Variants in SPAG16 observed in about 807,000 individuals in gnomAD.
The protein encoded by SPAG16 is sperm associated antigen 16, also known as sperm-associated antigen 16 protein.
Under a neutral mutation model 80.4 loss-of-function variants are expected in SPAG16, and 86 were observed. That is an observed-to-expected ratio of 1.07 (90% CI 0.90 to 1.28). The LOEUF is 1.28. Among genes scored for constraint, SPAG16 ranks in the 50% most tolerant of loss-of-function variants. The pLI is 0.00. For synonymous variants in SPAG16, 294 were observed against 265.9 expected, an observed-to-expected ratio of 1.11 and a Z score of -1.03; for missense variants, 870 against 765.3, an observed-to-expected ratio of 1.14 and a Z score of -1.61.
rs1363675968 is a variant in SPAG16 at position 214,010,407 on chromosome 2, A to C, written c.1401-3544A>C. On this transcript the variant is annotated intron_variant, in intron 12 of 15. Transcript: ENST00000331683. ...GAAAGAGAAAAAAAAGTCACAGGGG[A>C]AGAAACTTTCCTGGAATAATAAAAG... 1.4e-5 allele frequency among the ~76,000 whole-genome samples: 2 copies of C among 146,976 alleles called. 1 individual carries two copies. The highest frequency in any genetic ancestry group is 3.0e-5 in the Non-Finnish European group (2 of 67,358).
intron 13 of SPAG16, among the ~76,000 whole-genome samples, chr2:214,046,142 T>C (rs533551019): frequency 2.0e-5 from 3 of 152,150 alleles, no homozygotes; most frequent in South Asian, 4.1e-4. Context: ...CCTACCAAGA[T>C]TGAACCATGA....
At chr2:214,097,051 TA>T (rs1167994514) in intron 13 of SPAG16, among the ~76,000 whole-genome samples, 2 of 152,098 alleles carry the variant, frequency 1.3e-5, no homozygotes, top group Non-Finnish European at 2.9e-5. Flanking sequence ...TCTATTGTAT[TA>T]AAATGTTTTA....
At position 214,042,433 on chromosome 2, in the gene SPAG16, A is replaced by AAACAAC. The variant is rs150244128; in HGVS notation, c.1527+28383_1527+28388dup. On this transcript the variant is annotated intron_variant, in intron 13 of 15. Transcript: ENST00000331683. ...CCATGAAGAAGTAAAAACAAAAACA[A>AAACAAC]AACAACAACAACAACAACAACAACA... is the stretch of plus-strand genomic sequence containing the variant. Among the ~76,000 whole-genome samples the AAACAAC allele has an allele frequency of 2.7e-3, 399 of 149,850 alleles. 5 individuals are homozygous for AAACAAC. Among genetic ancestry groups the AAACAAC allele is most frequent in the South Asian group, 0.015 (70 of 4,748 alleles).
chr2:213,722,709 C>A (rs1013993107), intron 10 of SPAG16, among the ~76,000 whole-genome samples: 1 of 151,974 alleles, frequency 6.6e-6, no homozygotes, highest in Non-Finnish European at 1.5e-5. Flanking sequence ...ACAGATATGA[C>A]AATATTGGAA....
intron 15 of SPAG16, among the ~76,000 whole-genome samples, chr2:214,343,037 AAAGTC>A (rs1697810243): frequency 6.6e-6 from 1 of 152,180 alleles, no homozygotes; most frequent in Non-Finnish European, 1.5e-5. Flanking sequence ...GAATTGAAGG[AAAGTC>A]AAGTCTTTAA....
chr2:213,688,259 G>T (rs575235062), intron 10 of SPAG16, among the ~76,000 whole-genome samples: 2 of 152,184 alleles, frequency 1.3e-5, no homozygotes, highest in East Asian at 1.9e-4. Flanking sequence ...CATAGTGGCT[G>T]CCATTAAAGA....
intron 10 of SPAG16, among the ~76,000 whole-genome samples, chr2:213,718,430 G>T (rs2066344972): frequency 6.6e-6 from 1 of 152,192 alleles, no homozygotes; most frequent in South Asian, 2.1e-4. Context: ...CACTGTGGGA[G>T]CCCCTTTCTG....
chr2:213,620,138 T>A (rs1017465479), intron 10 of SPAG16, among the ~76,000 whole-genome samples: 4 of 151,866 alleles, frequency 2.6e-5, no homozygotes, highest in African/African-American at 9.7e-5. Context: ...AGTAGAATTA[T>A]GGTTATTAGA....
At chr2:214,281,429 C>A in intron 15 of SPAG16, 1 of 188,628 alleles carries the variant, frequency 5.3e-6, no homozygotes, top group Non-Finnish European at 1.2e-5. Context: ...AGGCCTTAGT[C>A]TTAACAACTT....
At position 214,056,984 on chromosome 2, in the gene SPAG16, G is replaced by A. The variant is rs189316719; in HGVS notation, c.1527+42907G>A. On this transcript the variant is annotated intron_variant, in intron 13 of 15. Transcript: ENST00000331683. ...TTTATCATGAGCTTATAGCAATTTA[G>A]TCACATCCTCAGGCTTCACTTCTGG... 1.8e-4 allele frequency among the ~76,000 whole-genome samples: 27 copies of A among 152,150 alleles called. No homozygotes were observed. The East Asian group carries it at 4.8e-3, about 27-fold the overall frequency.
At chr2:213,402,300 A>T (rs1221684351) in intron 9 of SPAG16, among the ~76,000 whole-genome samples, 7 of 152,208 alleles carry the variant, frequency 4.6e-5, no homozygotes, top group African/African-American at 1.7e-4. Flanking sequence ...CATTCCTTTC[A>T]GAGATGCAAT....
intron 15 of SPAG16, among the ~76,000 whole-genome samples, chr2:214,283,266 C>A (rs1693100405): frequency 6.6e-6 from 1 of 152,050 alleles, no homozygotes; most frequent in Non-Finnish European, 1.5e-5. Context: ...AACCAGTCTT[C>A]TTAAAAGTGT....
chr2:213,739,916 T>G (rs1053383276), intron 10 of SPAG16, among the ~76,000 whole-genome samples: 1 of 152,224 alleles, frequency 6.6e-6, no homozygotes, highest in African/African-American at 2.4e-5. Context: ...TCTCTGCATA[T>G]CCTTTGAAAA....
intron 10 of SPAG16, among the ~76,000 whole-genome samples, chr2:213,512,918 G>T (rs1480439731): frequency 6.6e-6 from 1 of 151,794 alleles, no homozygotes; most frequent in African/African-American, 2.4e-5. Flanking sequence ...GGTAATTCCT[G>T]ATATCCTCAG....
At chr2:214,125,969 A>G (rs1363873682) in intron 14 of SPAG16, among the ~76,000 whole-genome samples, 1 of 150,234 alleles carries the variant, frequency 6.7e-6, no homozygotes, top group East Asian at 1.9e-4. Flanking sequence ...GAAGAAATCC[A>G]GTAAGGCCTG....
chr2:213,521,065 T>C (rs754569374), intron 10 of SPAG16, among the ~76,000 whole-genome samples: 5 of 152,194 alleles, frequency 3.3e-5, no homozygotes, highest in Non-Finnish European at 7.3e-5. Flanking sequence ...GAGTCCTCTC[T>C]GATCCTCTTA....
intron 15 of SPAG16, among the ~76,000 whole-genome samples, chr2:214,325,389 T>C (rs1696402676): frequency 1.3e-5 from 2 of 152,218 alleles, no homozygotes; most frequent in South Asian, 2.1e-4. Context: ...CCAGTGTTAA[T>C]AGCTAGCCTG....
chr2:214,048,535 G>A (rs765450663), intron 13 of SPAG16, among the ~76,000 whole-genome samples: 1 of 151,776 alleles, frequency 6.6e-6, no homozygotes, highest in Non-Finnish European at 1.5e-5. Context: ...ATAGAGAGTA[G>A]GATGATTACC....
chr2:214,295,404 T>A (rs948087303), intron 15 of SPAG16, among the ~76,000 whole-genome samples: 9 of 151,860 alleles, frequency 5.9e-5, no homozygotes, highest in Non-Finnish European at 1.2e-4. Flanking sequence ...CGTATTTTTT[T>A]AATCTTACTC....
Sources: gnomAD v4.1 joint callset for allele counts (sites outside exome capture counted in the v4.1 genomes callset) on GRCh38, gnomAD v4.1.1 for gene constraint, MANE v1.5 for transcripts, NCBI Gene and HGNC (gene_info 2026-07-23, HGNC 2026-07-21) for gene names.